The following EXOC3 variants were observed in gnomAD, a reference collection of about 807,000 sequenced individuals.
EXOC3 encodes exocyst complex component 3.
In EXOC3, 21 loss-of-function variants were observed where a neutral mutation model predicts 73.7. The observed-to-expected ratio is 0.29, with a 90% CI of 0.20 to 0.41. The LOEUF (loss-of-function observed/expected upper bound fraction) is 0.41, where lower values mean the gene tolerates loss of function less well. Among genes scored for constraint, EXOC3 ranks in the 10% least tolerant of loss-of-function variants. EXOC3 has a pLI of 1.00. For missense variants in EXOC3, 842 were observed against 985.1 expected (o/e 0.85, Z 1.95); for synonymous variants, 410 against 389.1 (o/e 1.05, Z -0.63).
intron 9 of EXOC3, 24 bp from the exon 10 acceptor site, chr5:464,266 C>T: frequency 6.2e-7 from 1 of 1,609,808 alleles, no homozygotes; most frequent in Non-Finnish European, 8.5e-7. Flanking sequence ...GTGATGATTT[C>T]TATGATCTGT....
chr5:448,537 T>A (rs1737568868), intron 3 of EXOC3, among the ~76,000 whole-genome samples: 1 of 152,164 alleles, frequency 6.6e-6, no homozygotes, highest in Admixed American at 6.5e-5. Flanking sequence ...CTTGGCAAGT[T>A]CTTCCTGTTC....
intron 4 of EXOC3, 54 bp downstream of exon 4, chr5:454,105 G>A (rs1737734822): frequency 4.9e-6 from 7 of 1,433,436 alleles, no homozygotes; most frequent in Non-Finnish European, 5.6e-6. Context: ...GTGTGTGAGA[G>A]GGGCCTGCAG....
chr5:455,464 T>A (rs1026198860), intron 4 of EXOC3, among the ~76,000 whole-genome samples: 9 of 152,358 alleles, frequency 5.9e-5, no homozygotes, highest in African/African-American at 2.2e-4. Context: ...CCAGATTAAA[T>A]AAAAGTCTTT....
intron 3 of EXOC3, 71 bp downstream of exon 3, chr5:447,823 T>C (rs1345596304): frequency 8.8e-7 from 1 of 1,138,012 alleles, no homozygotes; most frequent in Non-Finnish European, 1.3e-6. Context: ...GTGCTCTGTG[T>C]GCAGTGTGCT....
At position 453,913 on chromosome 5, in the gene EXOC3, C is replaced by G. The variant is rs143939660; in HGVS notation, c.908C>G (p.Pro303Arg). The G allele has an allele frequency of 3.4e-3, 5,521 of 1,613,986 alleles. 209 individuals are homozygous for G. In the Admixed American group the frequency reaches 0.071, roughly 21 times the overall value. The change falls in exon 4 of 13, where the codon CCC becomes CGC. Residue 303 changes from proline (P) to arginine (R), a missense_variant. Coordinates refer to ENST00000512944, the MANE Select transcript of EXOC3 (RefSeq NM_007277.5). Reference protein sequence around the residue: ...AKNLMVQCFPPHYEIFKNLLN... With the variant: ...AKNLMVQCFPRHYEIFKNLLN... ...AACCTGATGGTTCAGTGCTTTCCTC[C>G]CCACTATGAGATCTTTAAGAACCTC...
Position 453,468 on chromosome 5 carries a change from C to G in EXOC3, c.463C>G (p.Leu155Val). The change falls in exon 4 of 13, where the codon CTG becomes GTG. Residue 155 changes from leucine (L) to valine (V), a missense_variant. Leu to Val is a conservative substitution (Grantham distance 32, BLOSUM62 1). Transcript: ENST00000512944. ...GGACCTGGAGTGCTCCCGGGACGGG[C>G]TGATGTACGAGCAGTACCGCATGGA... is the stretch of plus-strand genomic sequence containing the variant. ...LMDLECSRDG[L>V]MYEQYRMDSG... is the part of the protein sequence containing the mutation. The G allele has an allele frequency of 6.2e-7, 1 of 1,613,530 alleles. No homozygotes were observed. The highest frequency in any genetic ancestry group is 1.7e-5 in the Admixed American group (1 of 59,908).
chr5:461,612 CAAA>C (rs34450970), intron 7 of EXOC3: 231 of 195,722 alleles, frequency 1.2e-3, no homozygotes, highest in Middle Eastern at 4.2e-3. Flanking sequence ...GACTCTATCT[CAAA>C]AAAAAAAAAA....
At chr5:461,915 C>G in intron 7 of EXOC3, 45 bp from the exon 8 acceptor site, 1 of 1,384,608 alleles carries the variant, frequency 7.2e-7, no homozygotes. Context: ...GAAACAGCTC[C>G]ATGTTGCCCT....
chr5:464,807 A>G, intron 10 of EXOC3: 2 of 482,206 alleles, frequency 4.1e-6, no homozygotes, highest in Non-Finnish European at 7.5e-6. Flanking sequence ...TTATCAAAGG[A>G]CAGCAGCAGC....
At chr5:455,558 A>T (rs1737786062) in intron 4 of EXOC3, among the ~76,000 whole-genome samples, 1 of 152,242 alleles carries the variant, frequency 6.6e-6, no homozygotes, top group Non-Finnish European at 1.5e-5. Context: ...TAATCATTTT[A>T]TTCAGTGTTA....
intron 4 of EXOC3, among the ~76,000 whole-genome samples, chr5:455,646 T>TA (rs1221441658): frequency 6.6e-6 from 1 of 152,142 alleles, no homozygotes; most frequent in East Asian, 1.9e-4. Context: ...ACCTTAGACT[T>TA]AAAAAAACTT....
intron 11 of EXOC3, 76 bp from the exon 12 acceptor site, chr5:465,642 G>T: frequency 1.9e-6 from 3 of 1,579,876 alleles, no homozygotes; most frequent in Non-Finnish European, 1.7e-6. Context: ...TCAGGAAGGG[G>T]CTCAGCCAGA....
At chr5:446,464 T>A in intron 2 of EXOC3, 115 bp downstream of exon 2, 1 of 928,464 alleles carries the variant, frequency 1.1e-6, no homozygotes. Flanking sequence ...GAGGCAGAGC[T>A]GGACTTTCTT....
chr5:465,395 T>C (rs1035908), intron 11 of EXOC3, 123 bp downstream of exon 11: 1,027,516 of 1,152,698 alleles, frequency 0.89, 461,464 homozygotes, highest in African/African-American at 0.96. Context: ...GGGGGGAGCC[T>C]GGGTCCAGGT....
rs1371218376 is a variant in EXOC3, at chr5:458,043, C to G, written c.1290+18C>G. 6.2e-7 allele frequency: 1 copy of G among 1,610,508 alleles called. No homozygotes were observed. The highest frequency in any genetic ancestry group is 2.2e-5 in the East Asian group (1 of 44,840). On this transcript the variant is annotated intron_variant, in intron 6 of 12. Coordinates refer to ENST00000512944, the MANE Select transcript of EXOC3 (RefSeq NM_007277.5). ...TCTTCCAGGTACCACCTGCAGGGGA[C>G]TGGCACAGTTCCGTTTCCTAGGTGG... is the stretch of plus-strand genomic sequence containing the variant.
chr5:465,986 G>A, intron 12 of EXOC3, 141 bp downstream of exon 12: 1 of 917,526 alleles, frequency 1.1e-6, no homozygotes, highest in Non-Finnish European at 1.6e-6. Flanking sequence ...CGGCACAGCG[G>A]GGCCCAGGCG....
intron 11 of EXOC3, 34 bp downstream of exon 11, chr5:465,306 C>T (rs748550837): frequency 6.4e-7 from 1 of 1,556,364 alleles, no homozygotes; most frequent in Non-Finnish European, 8.7e-7. Flanking sequence ...TGGAGAAGGC[C>T]TGTCGCTCCG....
rs376512371 is a variant in EXOC3 at position 465,767 on chromosome 5, C to G, written c.1988C>G (p.Ala663Gly). The change falls in exon 12 of 13, where the codon GCC becomes GGC. Residue 663 changes from alanine to glycine, a missense_variant. Transcript: ENST00000512944. ...DGYCDTIVAV[A>G]EVIKLTDPSL... ...TACTGCGACACCATCGTGGCTGTGG[C>G]CGAAGTGATCAAGCTGACAGACCCT... The G allele has an allele frequency of 6.2e-7, 1 of 1,613,724 alleles. No individual in the cohort carries two copies. The highest frequency in any genetic ancestry group is 1.3e-5 in the African/African-American group (1 of 74,934).
At chr5:459,323 G>A (rs922676879) in intron 6 of EXOC3, 36 bp from the exon 7 acceptor site, 1 of 1,224,372 alleles carries the variant, frequency 8.2e-7, no homozygotes, top group Admixed American at 2.2e-5. Context: ...ACTCCTGTAA[G>A]ATTATACCAG....
Sources: allele counts gnomAD v4.1 joint callset (sites outside exome capture counted in the v4.1 genomes callset), GRCh38; gene constraint gnomAD v4.1.1; transcripts MANE v1.5; gene names NCBI Gene and HGNC (gene_info 2026-07-23, HGNC 2026-07-21).